ARHGAP28: variants seen among roughly 807,000 people sequenced by gnomAD.
ARHGAP28 encodes Rho GTPase activating protein 28.
ARHGAP28 carries 56 observed loss-of-function variants against 90.7 expected under a neutral mutation model. The ratio of observed to expected loss-of-function variants is 0.62; its 90% CI spans 0.50 to 0.77. The LOEUF is 0.77. Ranked by LOEUF, ARHGAP28 falls within the 30% of genes least tolerant of loss-of-function variation. The pLI is 0.00. For synonymous variants in ARHGAP28, 308 were observed against 323.3 expected (o/e 0.95, Z 0.51); for missense variants, 869 against 900.9 (o/e 0.96, Z 0.45).
intron 14 of ARHGAP28, among the ~76,000 whole-genome samples, chr18:6,891,457 G>A (rs1230921880): frequency 6.6e-6 from 1 of 152,000 alleles, no homozygotes; most frequent in Admixed American, 6.5e-5. Flanking sequence ...TAGAGACAGG[G>A]TATTTTTAGT....
At chr18:6,837,470 T>G (rs1192104888) in intron 3 of ARHGAP28, 56 bp downstream of exon 3, 2 of 1,109,454 alleles carry the variant, frequency 1.8e-6, no homozygotes, top group Non-Finnish European at 2.7e-6. Flanking sequence ...GGGGATGGGG[T>G]AGGGTGGGGC....
At chr18:6,868,375 C>CA in intron 6 of ARHGAP28, 141 bp downstream of exon 6, 2 of 680,014 alleles carry the variant, frequency 2.9e-6, no homozygotes, top group Non-Finnish European at 5.0e-6. Flanking sequence ...TTCCATCGCT[C>CA]ACTCCTTCCA....
chr18:6,821,639 C>A (rs1258899344), intron 1 of ARHGAP28, among the ~76,000 whole-genome samples: 3 of 152,104 alleles, frequency 2.0e-5, no homozygotes, highest in African/African-American at 7.2e-5. Context: ...TGCTCTTATC[C>A]CCAAAAATGC....
chr18:6,845,214 G>A (rs532493696), intron 3 of ARHGAP28, among the ~76,000 whole-genome samples: 2 of 152,208 alleles, frequency 1.3e-5, no homozygotes, highest in Admixed American at 1.3e-4. Flanking sequence ...TGGTAGCTGG[G>A]ACTACAACTG....
intron 3 of ARHGAP28, among the ~76,000 whole-genome samples, chr18:6,846,440 G>A (rs1031818089): frequency 1.3e-5 from 2 of 152,204 alleles, no homozygotes; most frequent in African/African-American, 2.4e-5. Context: ...TGTTCTGGCC[G>A]CTCTTCTGTT....
At chr18:6,860,049 T>A in intron 5 of ARHGAP28, 152 bp downstream of exon 5, 1 of 662,020 alleles carries the variant, frequency 1.5e-6, no homozygotes, top group Non-Finnish European at 2.6e-6. Flanking sequence ...GTAGAACTAC[T>A]AACTTTGTAA....
chr18:6,827,480 T>A (rs1332068575), intron 2 of ARHGAP28, among the ~76,000 whole-genome samples: 1 of 115,020 alleles, frequency 8.7e-6, no homozygotes, highest in African/African-American at 3.3e-5. Flanking sequence ...CACTTCCCAG[T>A]AGGGGCGGCC....
At chr18:6,734,618 T>C (rs1408065245) in intron 1 of ARHGAP28, among the ~76,000 whole-genome samples, 1 of 152,196 alleles carries the variant, frequency 6.6e-6, no homozygotes, top group African/African-American at 2.4e-5. Context: ...GAGGAAAAAC[T>C]AAATTTAGCA....
chr18:6,873,340 G>A (rs1282187794), intron 7 of ARHGAP28, 69 bp from the exon 8 acceptor site: 4 of 1,328,456 alleles, frequency 3.0e-6, no homozygotes, highest in Non-Finnish European at 4.2e-6. Flanking sequence ...GTGTCCAGGT[G>A]GCATTTGAGT....
chr18:6,883,239 A>ATT (rs34238467), intron 11 of ARHGAP28, among the ~76,000 whole-genome samples: 3 of 142,326 alleles, frequency 2.1e-5, no homozygotes, highest in African/African-American at 5.2e-5. Context: ...TCAGGCACTA[A>ATT]TTTTTTTTTT....
intron 1 of ARHGAP28, among the ~76,000 whole-genome samples, chr18:6,730,522 G>A (rs1414503022): frequency 6.6e-6 from 1 of 152,134 alleles, no homozygotes; most frequent in Non-Finnish European, 1.5e-5. Flanking sequence ...TACTGCTAAT[G>A]TCAACTCTAT....
intron 8 of ARHGAP28, 41 bp downstream of exon 8, chr18:6,873,615 A>T: frequency 6.2e-7 from 1 of 1,610,224 alleles, no homozygotes; most frequent in South Asian, 1.1e-5. Flanking sequence ...TAACACTTTG[A>T]CACAGTGGAA....
intron 1 of ARHGAP28, among the ~76,000 whole-genome samples, chr18:6,754,342 T>C (rs946208060): frequency 1.3e-5 from 2 of 152,190 alleles, no homozygotes; most frequent in African/African-American, 4.8e-5. Flanking sequence ...AGCCATTTAA[T>C]GTTGTTAAAT....
At chr18:6,897,567 A>T (rs557531255) in intron 16 of ARHGAP28, 1 of 152,246 alleles carries the variant, frequency 6.6e-6, no homozygotes, top group South Asian at 2.1e-4. Flanking sequence ...TAGAGCATGT[A>T]TGATTTGCTG....
intron 16 of ARHGAP28, among the ~76,000 whole-genome samples, chr18:6,899,213 G>A (rs1216521586): frequency 6.6e-6 from 1 of 152,104 alleles, no homozygotes; most frequent in Non-Finnish European, 1.5e-5. Context: ...GTTAAAAAAG[G>A]AGGGAGAAGC....
chr18:6,841,140 C>T (rs1333597112), intron 3 of ARHGAP28, among the ~76,000 whole-genome samples: 2 of 138,258 alleles, frequency 1.4e-5, no homozygotes, highest in African/African-American at 5.7e-5. Flanking sequence ...TCTCCTCTCT[C>T]ACTGTCTCTC....
rs72883092 is a variant in ARHGAP28 at position 6,856,094 on chromosome 18, G to T, written c.637-3714G>T. ...TGGGCCCGAGCAAAACTCAGACAAA[G>T]GCACCACCTGTCAAAGAGGCTTCCG... On this transcript the variant is annotated intron_variant, in intron 4 of 17. Transcript: ENST00000383472. Among the ~76,000 whole-genome samples, 257 of 152,300 alleles carry T rather than the reference G, an allele frequency of 1.7e-3. 1 individual carries two copies. Among genetic ancestry groups the T allele is most frequent in the African/African-American group, 6.0e-3 (250 of 41,548 alleles).
chr18:6,849,102 A>T (rs2056888920), intron 3 of ARHGAP28, among the ~76,000 whole-genome samples: 1 of 151,082 alleles, frequency 6.6e-6, no homozygotes, highest in Non-Finnish European at 1.5e-5. Context: ...AAAAAAAATT[A>T]AAAAAATTAG....
intron 15 of ARHGAP28, among the ~76,000 whole-genome samples, chr18:6,896,175 A>G (rs1198021582): frequency 6.6e-6 from 1 of 152,254 alleles, no homozygotes; most frequent in Non-Finnish European, 1.5e-5. Context: ...AATTATGCTT[A>G]AAGCAGGTTC....
Sources: gnomAD v4.1 joint callset for allele counts (sites outside exome capture counted in the v4.1 genomes callset) on GRCh38, gnomAD v4.1.1 for gene constraint, MANE v1.5 for transcripts, NCBI Gene and HGNC (gene_info 2026-07-23, HGNC 2026-07-21) for gene names.